GALNT14: variants seen among roughly 807,000 people sequenced by gnomAD.
GALNT14 encodes the protein polypeptide N-acetylgalactosaminyltransferase 14, also known as UDP-GalNAc:polypeptide N-acetylgalactosaminyltransferase 14.
In GALNT14, 60 loss-of-function variants were observed where a neutral mutation model predicts 77.5. That is an observed-to-expected ratio of 0.77 (90% CI 0.63 to 0.96). The LOEUF (loss-of-function observed/expected upper bound fraction) is 0.96, where lower values mean the gene tolerates loss of function less well. Ranked by LOEUF, GALNT14 falls within the 40% of genes least tolerant of loss-of-function variation. The pLI, the probability that GALNT14 is intolerant of heterozygous loss-of-function variation, is 0.00. For missense variants in GALNT14, 710 were observed against 731.0 expected, an observed-to-expected ratio of 0.97 and a Z score of 0.33; for synonymous variants, 280 against 281.7, an observed-to-expected ratio of 0.99 and a Z score of 0.06.
intron 6 of GALNT14, among the ~76,000 whole-genome samples, chr2:30,954,571 G>T (rs1667240872): frequency 6.6e-6 from 1 of 152,208 alleles, no homozygotes; most frequent in Non-Finnish European, 1.5e-5. Flanking sequence ...CCATGTGACA[G>T]AACTTTGTAA....
intron 1 of GALNT14, among the ~76,000 whole-genome samples, chr2:31,043,278 T>C (rs956446824): frequency 5.9e-5 from 9 of 152,202 alleles, no homozygotes; most frequent in African/African-American, 2.2e-4. Flanking sequence ...ATTCCCCCAG[T>C]CCATGCTCTT....
intron 1 of GALNT14, among the ~76,000 whole-genome samples, chr2:31,126,165 G>T (rs543643278): frequency 2.6e-4 from 40 of 152,300 alleles, no homozygotes; most frequent in Non-Finnish European, 5.7e-4. Context: ...CATCCTGAAA[G>T]AGATAGCTTC....
At chr2:30,929,602 G>A (rs2148246269) in intron 10 of GALNT14, 115 bp from the exon 11 acceptor site, 1 of 710,762 alleles carries the variant, frequency 1.4e-6, no homozygotes, top group Non-Finnish European at 2.4e-6. Flanking sequence ...CTAGGTGGGG[G>A]CCACCATGGT....
intron 1 of GALNT14, among the ~76,000 whole-genome samples, chr2:31,124,095 T>C (rs1021887409): frequency 1.3e-5 from 2 of 152,184 alleles, no homozygotes; most frequent in African/African-American, 4.8e-5. Flanking sequence ...CCATATGGGT[T>C]TGCCGGATGT....
chr2:31,132,190 C>A (rs1437098883), intron 1 of GALNT14, among the ~76,000 whole-genome samples: 4 of 152,176 alleles, frequency 2.6e-5, no homozygotes, highest in African/African-American at 9.6e-5. Context: ...CGCTGACAAC[C>A]AGAGGCCTGG....
At chr2:30,958,906 C>T (rs1667524537) in intron 3 of GALNT14, among the ~76,000 whole-genome samples, 1 of 152,186 alleles carries the variant, frequency 6.6e-6, no homozygotes, top group Admixed American at 6.5e-5. Context: ...TGACAAGGAG[C>T]TTTGATTGTG....
At chr2:30,965,467 A>C (rs1667945663) in intron 3 of GALNT14, among the ~76,000 whole-genome samples, 1 of 145,088 alleles carries the variant, frequency 6.9e-6, no homozygotes. Context: ...GCATGGGGGA[A>C]GGGGGGTGAA....
chr2:31,006,097 C>T (rs1461361765), intron 1 of GALNT14, among the ~76,000 whole-genome samples: 1 of 152,172 alleles, frequency 6.6e-6, no homozygotes, highest in Admixed American at 6.5e-5. Context: ...CCCGAAGGGA[C>T]TTCTCCATGC....
At chr2:31,081,583 C>A (rs188848984) in intron 1 of GALNT14, among the ~76,000 whole-genome samples, 56 of 152,276 alleles carry the variant, frequency 3.7e-4, no homozygotes, top group Admixed American at 1.2e-3. Context: ...CCAAAGTGCA[C>A]ATGTTTATTT....
intron 1 of GALNT14, among the ~76,000 whole-genome samples, chr2:31,062,080 T>C (rs1674630002): frequency 6.6e-6 from 1 of 152,266 alleles, no homozygotes; most frequent in Non-Finnish European, 1.5e-5. Context: ...AGTTCTGGGA[T>C]ACATGTGCAG....
At position 31,035,598 on chromosome 2, in the gene GALNT14, TATACACACACACACACACCTACAC is replaced by T. The variant is rs1261969627; in HGVS notation, c.130-42615_130-42592del. ...GTGTGTGTGTGTGTATACATATACA[TATACACACACACACACACCTACAC>T]ACACACACACACACACACACACACA... On this transcript the variant is annotated intron_variant, in intron 1 of 14. Transcript: ENST00000349752. Among the ~76,000 whole-genome samples, 117 of 107,556 alleles carry T rather than the reference TATACACACACACACACACCTACAC, an allele frequency of 1.1e-3. 1 individual carries two copies. The highest frequency in any genetic ancestry group is 5.3e-3 in the African/African-American group (110 of 20,752). The allele number at this position is 107,556 out of a possible 152,430, so 70.6% of individuals were successfully genotyped here.
chr2:31,064,831 A>G (rs1352820990), intron 1 of GALNT14, among the ~76,000 whole-genome samples: 1 of 152,070 alleles, frequency 6.6e-6, no homozygotes, highest in African/African-American at 2.4e-5. Flanking sequence ...AGTATATTTT[A>G]AAACTACATA....
intron 6 of GALNT14, among the ~76,000 whole-genome samples, chr2:30,953,305 CTTTT>C (rs34668885): frequency 4.3e-5 from 5 of 117,082 alleles, no homozygotes; most frequent in Non-Finnish European, 5.1e-5. Flanking sequence ...AATTTCCTTC[CTTTT>C]TTTTTTTTTT....
At chr2:30,892,359 A>G in the GALNT14 span, among the ~76,000 whole-genome samples, 1 of 152,276 alleles carries the variant, frequency 6.6e-6, no homozygotes, top group African/African-American at 2.4e-5. Flanking sequence ...TGGAAAGATC[A>G]GAAAACCAGG....
intron 1 of GALNT14, among the ~76,000 whole-genome samples, chr2:31,037,764 T>C (rs1487766586): frequency 6.6e-6 from 1 of 152,028 alleles, no homozygotes; most frequent in Non-Finnish European, 1.5e-5. Context: ...TTTCCTTAAA[T>C]GTTTTGAATC....
chr2:31,008,709 T>C (rs981079205), intron 1 of GALNT14, among the ~76,000 whole-genome samples: 1 of 152,234 alleles, frequency 6.6e-6, no homozygotes, highest in African/African-American at 2.4e-5. Flanking sequence ...AGGTCATTAG[T>C]GGTAAAGACT....
intron 1 of GALNT14, among the ~76,000 whole-genome samples, chr2:31,057,703 A>T (rs867756781): frequency 6.6e-6 from 1 of 152,012 alleles, no homozygotes; most frequent in Non-Finnish European, 1.5e-5. Context: ...AATGGGCCCA[A>T]TGTTGTCTGC....
chr2:30,958,366 G>C, intron 4 of GALNT14, 31 bp downstream of exon 4: 1 of 1,593,224 alleles, frequency 6.3e-7, no homozygotes, highest in Non-Finnish European at 8.6e-7. Flanking sequence ...AGACATTCGT[G>C]TCTAAAGAGC....
chr2:30,935,278 C>T (rs1357632902), intron 9 of GALNT14, among the ~76,000 whole-genome samples: 1 of 152,204 alleles, frequency 6.6e-6, no homozygotes, highest in African/African-American at 2.4e-5. Flanking sequence ...CCTGACACCA[C>T]CCTGCCTCCA....
Sources: gnomAD v4.1 joint callset for allele counts (sites outside exome capture counted in the v4.1 genomes callset) on GRCh38, gnomAD v4.1.1 for gene constraint, MANE v1.5 for transcripts, NCBI Gene and HGNC (gene_info 2026-07-23, HGNC 2026-07-21) for gene names.